The following ZNF451 variants were observed in gnomAD, a reference collection of about 807,000 sequenced individuals.
ZNF451 encodes the protein E3 SUMO-protein ligase ZNF451.
Under a neutral mutation model 107.1 loss-of-function variants are expected in ZNF451, and 80 were observed. That is an observed-to-expected ratio of 0.75 (90% CI 0.62 to 0.90). ZNF451 has a LOEUF of 0.90. Among genes scored for constraint, ZNF451 ranks in the 40% least tolerant of loss-of-function variants. The probability of loss-of-function intolerance (pLI) is 0.00; values close to 1 mark genes in which losing one functional copy is unlikely to be tolerated. For synonymous variants in ZNF451, 362 were observed against 406.5 expected, an observed-to-expected ratio of 0.89 and a Z score of 1.32; for missense variants, 1,107 against 1,236.2, an observed-to-expected ratio of 0.90 and a Z score of 1.57.
At chr6:57,144,824 G>T (rs910105517) in intron 9 of ZNF451, among the ~76,000 whole-genome samples, 2 of 152,184 alleles carry the variant, frequency 1.3e-5, no homozygotes, top group African/African-American at 4.8e-5. Flanking sequence ...CAGCTACTTG[G>T]TGGCTGAGGC....
chr6:57,134,664 C>A, intron 6 of ZNF451, 80 bp from the exon 7 acceptor site: 3 of 1,343,108 alleles, frequency 2.2e-6, no homozygotes, highest in Admixed American at 2.0e-5. Flanking sequence ...ATGTGTTTAG[C>A]TTCACAAATG....
At chr6:57,134,915 C>G (rs200752069) in intron 7 of ZNF451, 45 bp downstream of exon 7, 2 of 1,543,720 alleles carry the variant, frequency 1.3e-6, no homozygotes, top group Non-Finnish European at 1.8e-6. Flanking sequence ...TCTAGATAGC[C>G]ATGGAGTTAA....
chr6:57,090,463 GC>G (rs1829012857), intron 1 of ZNF451, among the ~76,000 whole-genome samples, 189 bp downstream of exon 1: 2 of 133,526 alleles, frequency 1.5e-5, no homozygotes, highest in Non-Finnish European at 3.2e-5. Context: ...TGGCCGCCCG[GC>G]CCCCCGCACG....
At chr6:57,106,113 C>A (rs2127944742) in intron 3 of ZNF451, 1 of 985,328 alleles carries the variant, frequency 1.0e-6, no homozygotes, top group East Asian at 1.1e-4. Flanking sequence ...GATAACCTCT[C>A]AGGTACTGTA....
intron 3 of ZNF451, among the ~76,000 whole-genome samples, chr6:57,114,592 A>G (rs1419612984): frequency 6.6e-6 from 1 of 152,202 alleles, no homozygotes; most frequent in Non-Finnish European, 1.5e-5. Flanking sequence ...TATAGGGACA[A>G]AAATCTGAGA....
At chr6:57,105,140 T>C (rs1268206432) in intron 3 of ZNF451, 14 of 985,398 alleles carry the variant, frequency 1.4e-5, no homozygotes, top group South Asian at 4.7e-5. Context: ...ATGCCTGCCA[T>C]GTTCAGAACC....
chr6:57,092,023 G>T (rs761597748), intron 2 of ZNF451, among the ~76,000 whole-genome samples: 7 of 152,154 alleles, frequency 4.6e-5, no homozygotes, highest in Non-Finnish European at 8.8e-5. Flanking sequence ...GGATGGGGGT[G>T]AATTGTATCC....
chr6:57,149,958 T>C (rs925577742), intron 10 of ZNF451, among the ~76,000 whole-genome samples: 1 of 152,178 alleles, frequency 6.6e-6, no homozygotes, highest in Non-Finnish European at 1.5e-5. Flanking sequence ...GTAGTATATT[T>C]GAAGGAACTA....
At chr6:57,127,393 T>A (rs548773710) in intron 4 of ZNF451, among the ~76,000 whole-genome samples, 9 of 152,344 alleles carry the variant, frequency 5.9e-5, no homozygotes, top group Non-Finnish European at 1.2e-4. Flanking sequence ...AGAAGTAGTA[T>A]TCTATGGCTG....
Position 57,161,085 on chromosome 6 carries a change from A to G in ZNF451, c.3072A>G (p.Glu1024=), listed in dbSNP as rs370876994. 1 of 1,551,836 alleles carries G rather than the reference A, an allele frequency of 6.4e-7. No individual in the cohort carries two copies. The highest frequency in any genetic ancestry group is 1.3e-5 in the South Asian group (1 of 79,968). ...GCATGTATTGATTCTTCTTTACAGAATGTGACAGTGATGATAACATGGGTG... is the reference window on the plus strand; with the variant it reads ...GCATGTATTGATTCTTCTTTACAGAGTGTGACAGTGATGATAACATGGGTG... The part of the protein sequence containing the change: ...LLNSISDTTK[E]CDSDDNMGAK... The change falls in exon 14 of 15, where the codon GAA becomes GAG. Residue 1024 remains glutamate (E), a splice_region_variant and synonymous_variant. Transcript: ENST00000370706.
chr6:57,093,505 A>G (rs1473394179), intron 2 of ZNF451, among the ~76,000 whole-genome samples: 1 of 152,236 alleles, frequency 6.6e-6, no homozygotes, highest in African/African-American at 2.4e-5. Flanking sequence ...CCTTAGAGCT[A>G]CAAGGATTAA....
At chr6:57,132,398 A>C (rs1230092574) in intron 5 of ZNF451, among the ~76,000 whole-genome samples, 1 of 152,198 alleles carries the variant, frequency 6.6e-6, no homozygotes, top group Non-Finnish European at 1.5e-5. Context: ...ACACAGTTGA[A>C]ATAGTTAAAA....
chr6:57,142,264 C>T lies in ZNF451; in HGVS notation c.1004+169C>T, dbSNP rs914421670. Among the ~76,000 whole-genome samples the T allele has an allele frequency of 2.0e-5, 3 of 152,128 alleles. No homozygotes were observed. In the South Asian group the frequency reaches 6.2e-4, roughly 31 times the overall value. On this transcript the variant is annotated intron_variant, in intron 9 of 14. Transcript: ENST00000370706. ...TGAGAGAAGTTAGAGTTGTGGAAAA[C>T]GTGGATATATTGATATTCTGCAAGT...
At chr6:57,164,294 G>T (rs1241165511) in intron 14 of ZNF451, among the ~76,000 whole-genome samples, 1 of 152,162 alleles carries the variant, frequency 6.6e-6, no homozygotes, top group African/African-American at 2.4e-5. Flanking sequence ...TAACTTCACT[G>T]TGCTTCAGCT....
At chr6:57,107,192 C>G in intron 3 of ZNF451, 1 of 985,194 alleles carries the variant, frequency 1.0e-6, no homozygotes, top group African/African-American at 1.7e-5. Flanking sequence ...ATCAGTTATT[C>G]TATGTATTGA....
intron 3 of ZNF451, chr6:57,107,762 C>G: frequency 1.0e-6 from 1 of 984,666 alleles, no homozygotes; most frequent in South Asian, 4.7e-5. Flanking sequence ...TTGGAGATCT[C>G]TCAAGTTGTA....
chr6:57,103,888 A>G, intron 3 of ZNF451: 1 of 985,316 alleles, frequency 1.0e-6, no homozygotes, highest in African/African-American at 1.7e-5. Context: ...CCATTTTTAA[A>G]TCTACTTTTC....
intron 4 of ZNF451, among the ~76,000 whole-genome samples, chr6:57,127,074 A>G (rs1448735557): frequency 6.6e-6 from 1 of 152,168 alleles, no homozygotes; most frequent in Non-Finnish European, 1.5e-5. Context: ...GTCTTAGGAT[A>G]TATCTATCAA....
At chr6:57,101,333 T>C (rs1829586730) in intron 3 of ZNF451, 2 of 1,550,558 alleles carry the variant, frequency 1.3e-6, no homozygotes, top group African/African-American at 2.7e-5. Context: ...CTTCTGAGAA[T>C]TGCCACCACT....
Sources: gnomAD v4.1 joint callset for allele counts (sites outside exome capture counted in the v4.1 genomes callset) on GRCh38, gnomAD v4.1.1 for gene constraint, MANE v1.5 for transcripts, NCBI Gene and HGNC (gene_info 2026-07-23, HGNC 2026-07-21) for gene names.